The following KCNN2 variants were observed in gnomAD, a reference collection of about 807,000 sequenced individuals.
KCNN2 encodes the protein potassium calcium-activated channel subfamily N member 2, also known as small conductance calcium-activated potassium channel protein 2.
In KCNN2, 24 loss-of-function variants were observed where a neutral mutation model predicts 55.5. That is an observed-to-expected ratio of 0.43 (90% CI 0.31 to 0.61). The LOEUF (loss-of-function observed/expected upper bound fraction) is 0.61. KCNN2 is among the 20% of genes least tolerant of loss of function. KCNN2 has a pLI of 0.08. For missense variants in KCNN2, 754 were observed against 853.6 expected (o/e 0.88, Z 1.45); for synonymous variants, 431 against 336.1 (o/e 1.28, Z -3.09).
intron 3 of KCNN2, among the ~76,000 whole-genome samples, chr5:114,418,923 C>G (rs1370843030): frequency 6.6e-6 from 1 of 152,170 alleles, no homozygotes; most frequent in Non-Finnish European, 1.5e-5. Flanking sequence ...GTTTTAAACC[C>G]CCACGTTTCA....
chr5:114,285,606 T>C (rs911174237), intron 2 of KCNN2, among the ~76,000 whole-genome samples: 1 of 152,214 alleles, frequency 6.6e-6, no homozygotes, highest in Non-Finnish European at 1.5e-5. Context: ...TGTAGAGCTT[T>C]TAAAATTTTA....
intron 2 of KCNN2, among the ~76,000 whole-genome samples, chr5:114,231,632 T>C (rs74744675): frequency 0.035 from 5,353 of 151,258 alleles, 615 homozygotes; most frequent in African/African-American, 0.12. Flanking sequence ...CACATTTACT[T>C]ATCTTTTACT....
chr5:114,305,237 A>C (rs1203929601), intron 2 of KCNN2, among the ~76,000 whole-genome samples: 2 of 152,198 alleles, frequency 1.3e-5, no homozygotes, highest in Non-Finnish European at 2.9e-5. Flanking sequence ...AGGTGCAGTT[A>C]GTTGCAGCTT....
At chr5:114,293,573 G>T (rs1180230845) in intron 2 of KCNN2, among the ~76,000 whole-genome samples, 3 of 152,302 alleles carry the variant, frequency 2.0e-5, no homozygotes, top group Admixed American at 2.0e-4. Flanking sequence ...GGTTTTTGAT[G>T]TGCTGCTGGA....
chr5:114,408,643 A>T (rs1759018420), intron 3 of KCNN2, among the ~76,000 whole-genome samples: 1 of 152,204 alleles, frequency 6.6e-6, no homozygotes, highest in Admixed American at 6.5e-5. Context: ...AAAATTATGC[A>T]TAACAATGTA....
At chr5:114,060,044 G>A (rs1340544094) in intron 1 of KCNN2, among the ~76,000 whole-genome samples, 1 of 152,236 alleles carries the variant, frequency 6.6e-6, no homozygotes, top group Non-Finnish European at 1.5e-5. Context: ...AACAGCCCTA[G>A]CCCCACAGTA....
chr5:114,164,234 A>G (rs918714259), intron 1 of KCNN2, among the ~76,000 whole-genome samples: 4 of 152,220 alleles, frequency 2.6e-5, no homozygotes, highest in Non-Finnish European at 5.9e-5. Flanking sequence ...CAGGAAATCT[A>G]TTTTTAATGT....
intron 3 of KCNN2, among the ~76,000 whole-genome samples, chr5:114,433,125 G>A (rs1478795785): frequency 1.3e-5 from 2 of 152,208 alleles, no homozygotes; most frequent in South Asian, 2.1e-4. Flanking sequence ...GGATCCACTG[G>A]GTGAAGCCAG....
intron 2 of KCNN2, among the ~76,000 whole-genome samples, chr5:114,386,053 G>T (rs1580776906): frequency 6.6e-6 from 1 of 151,716 alleles, no homozygotes. Context: ...ATGGTGGCAG[G>T]CACTTGTAGT....
intron 1 of KCNN2, among the ~76,000 whole-genome samples, chr5:114,064,549 A>C (rs987219749): frequency 2.1e-4 from 32 of 152,334 alleles, no homozygotes; most frequent in African/African-American, 7.5e-4. Flanking sequence ...CAGCCCAGTC[A>C]GTAGCTAAAT....
At chr5:114,300,398 G>A (rs1756130662) in intron 2 of KCNN2, among the ~76,000 whole-genome samples, 1 of 152,114 alleles carries the variant, frequency 6.6e-6, no homozygotes, top group Non-Finnish European at 1.5e-5. Context: ...GCTTTAGAGT[G>A]AAATCATAAT....
chr5:114,435,920 T>C (rs774223709), intron 3 of KCNN2, among the ~76,000 whole-genome samples: 1 of 152,222 alleles, frequency 6.6e-6, no homozygotes, highest in Non-Finnish European at 1.5e-5. Flanking sequence ...ACTTTTACTT[T>C]TGGTCATTAT....
intron 2 of KCNN2, among the ~76,000 whole-genome samples, chr5:114,294,327 T>C (rs1035225962): frequency 2.0e-5 from 3 of 152,158 alleles, no homozygotes; most frequent in Non-Finnish European, 2.9e-5. Context: ...CTTGTGGGCA[T>C]TTAGTGCTAG....
chr5:114,271,867 C>T (rs191937746), intron 2 of KCNN2, among the ~76,000 whole-genome samples: 2 of 152,150 alleles, frequency 1.3e-5, no homozygotes, highest in African/African-American at 4.8e-5. Context: ...TTTGTCTCAA[C>T]TTTATCACCT....
intron 3 of KCNN2, among the ~76,000 whole-genome samples, chr5:114,458,811 A>G (rs996352370): frequency 1.3e-5 from 2 of 152,204 alleles, no homozygotes; most frequent in Admixed American, 6.5e-5. Context: ...AAGGGGACCC[A>G]CAAACAGATC....
intron 5 of KCNN2, among the ~76,000 whole-genome samples, chr5:114,482,660 A>T (rs1322037396): frequency 1.3e-5 from 2 of 152,218 alleles, no homozygotes; most frequent in African/African-American, 4.8e-5. Flanking sequence ...GATAAAGAAA[A>T]TGTGGTACAT....
intron 1 of KCNN2, among the ~76,000 whole-genome samples, chr5:114,066,100 A>T (rs1382963484): frequency 6.6e-6 from 1 of 152,102 alleles, no homozygotes; most frequent in East Asian, 1.9e-4. Flanking sequence ...TCTGGAAAAA[A>T]GTTGTTTGCA....
At chr5:114,175,867 A>G (rs909680818) in intron 1 of KCNN2, among the ~76,000 whole-genome samples, 29 of 152,230 alleles carry the variant, frequency 1.9e-4, no homozygotes, top group Admixed American at 1.2e-3. Context: ...TGATATTCAT[A>G]ATGTTCTACA....
At chr5:114,301,612 C>T (rs898342695) in intron 2 of KCNN2, among the ~76,000 whole-genome samples, 1 of 152,110 alleles carries the variant, frequency 6.6e-6, no homozygotes, top group Non-Finnish European at 1.5e-5. Flanking sequence ...CACTGAGGCT[C>T]GGGGAACAAG....
Sources: allele counts gnomAD v4.1 joint callset (sites outside exome capture counted in the v4.1 genomes callset), GRCh38; gene constraint gnomAD v4.1.1; transcripts MANE v1.5; gene names NCBI Gene and HGNC (gene_info 2026-07-23, HGNC 2026-07-21).